ABCA12: variants seen among roughly 807,000 people sequenced by gnomAD.
The protein encoded by ABCA12 is ATP binding cassette subfamily A member 12.
ABCA12 carries 156 observed loss-of-function variants against 293.5 expected under a neutral mutation model. The observed-to-expected ratio is 0.53, with a 90% CI of 0.47 to 0.61. The LOEUF (loss-of-function observed/expected upper bound fraction) is 0.61, where lower values mean the gene tolerates loss of function less well. Among genes scored for constraint, ABCA12 ranks in the 20% least tolerant of loss-of-function variants. The probability of loss-of-function intolerance (pLI) is 0.00; values close to 1 mark genes in which losing one functional copy is unlikely to be tolerated. For synonymous variants in ABCA12, 1,063 were observed against 1,108.0 expected (o/e 0.96, Z 0.81); for missense variants, 2,797 against 3,090.2 (o/e 0.91, Z 2.25).
intron 2 of ABCA12, among the ~76,000 whole-genome samples, chr2:215,081,841 C>A (rs556912242): frequency 6.6e-6 from 1 of 152,008 alleles, no homozygotes; most frequent in Non-Finnish European, 1.5e-5. Flanking sequence ...TTTTATTTCC[C>A]TATAAAACAA....
chr2:215,086,740 C>T (rs935769153), intron 2 of ABCA12, among the ~76,000 whole-genome samples: 2 of 152,072 alleles, frequency 1.3e-5, no homozygotes, highest in Admixed American at 6.6e-5. Context: ...CAGGGACAAA[C>T]AGCTGGGTAT....
At chr2:215,090,039 T>G (rs1702110596) in intron 2 of ABCA12, among the ~76,000 whole-genome samples, 1 of 152,186 alleles carries the variant, frequency 6.6e-6, no homozygotes, top group Admixed American at 6.5e-5. Context: ...CTGCCTTAAC[T>G]GATGACATTA....
chr2:214,933,204 C>G (rs188569825), intron 52 of ABCA12, among the ~76,000 whole-genome samples: 322 of 152,276 alleles, frequency 2.1e-3, no homozygotes, highest in Non-Finnish European at 3.7e-3. Context: ...CATGTTAACA[C>G]TGTGTTCAGT....
intron 23 of ABCA12, among the ~76,000 whole-genome samples, chr2:214,997,455 C>G (rs184935181): frequency 3.7e-4 from 57 of 152,216 alleles, no homozygotes; most frequent in Non-Finnish European, 1.3e-4. Context: ...TATCATTGTA[C>G]TCATATTTTA....
intron 28 of ABCA12, 144 bp from the exon 29 acceptor site, chr2:214,984,009 T>A (rs1348432289): frequency 9.1e-6 from 6 of 656,390 alleles, no homozygotes; most frequent in Non-Finnish European, 1.6e-5. Flanking sequence ...TGGTATTTAA[T>A]GGGAATAAGA....
chr2:215,007,359 A>G (rs1700277258), intron 19 of ABCA12, among the ~76,000 whole-genome samples: 1 of 152,180 alleles, frequency 6.6e-6, no homozygotes, highest in Non-Finnish European at 1.5e-5. Flanking sequence ...GCCTATTGGT[A>G]TTTTAGGAAT....
chr2:215,000,425 C>T (rs1467444314), intron 22 of ABCA12, among the ~76,000 whole-genome samples: 1 of 152,092 alleles, frequency 6.6e-6, no homozygotes, highest in Non-Finnish European at 1.5e-5. Flanking sequence ...CAGCAATGTA[C>T]TCAGGTCTGA....
At position 215,036,964 on chromosome 2, in the gene ABCA12, G is replaced by A. The variant is rs138402017; in HGVS notation, c.974C>T (p.Ser325Phe). 3.7e-4 allele frequency: 602 copies of A among 1,613,640 alleles called. 12 individuals are homozygous for A. The East Asian group carries it at 9.1e-3, about 25-fold the overall frequency. ...SVKHLLYTLD[S>F]PAQGDSDNIT... ...TGGAAATATAATACCTTGAGCTGGG[G>A]AGTCCAGAGTGTACAGCAGATGTTT... is the stretch of plus-strand genomic sequence containing the variant. The change falls in exon 8 of 53, where the codon TCC becomes TTC. Residue 325 changes from serine to phenylalanine, a missense_variant. By Grantham distance (155) the Ser-to-Phe change is radical. This residue lies in a region of ABCA12 where 656 missense variants were observed against 638.2 expected (regional missense o/e 1.03). Coordinates refer to ENST00000272895, the MANE Select transcript of ABCA12 (RefSeq NM_173076.3).
At chr2:215,079,907 T>C (rs976370996) in intron 2 of ABCA12, among the ~76,000 whole-genome samples, 1 of 152,218 alleles carries the variant, frequency 6.6e-6, no homozygotes, top group Non-Finnish European at 1.5e-5. Context: ...ACAGGATTAA[T>C]ACCAAAATAC....
chr2:215,001,593 G>A lies in ABCA12; in HGVS notation c.2828C>T (p.Ala943Val), dbSNP rs761495344. 3.7e-6 allele frequency: 6 copies of A among 1,613,692 alleles called. No homozygotes were observed. The highest frequency in any genetic ancestry group is 5.1e-6 in the Non-Finnish European group (6 of 1,179,782). The change falls in exon 21 of 53, where the codon GCT becomes GTT. Residue 943 changes from alanine (A) to valine (V), a missense_variant. Physicochemically the swap from Ala to Val is moderately conservative, Grantham distance 64. Coordinates refer to ENST00000272895, the MANE Select transcript of ABCA12 (RefSeq NM_173076.3). ...AKTIDEMEREAKRLYKSNELF... is the reference protein window; with the variant it reads ...AKTIDEMEREVKRLYKSNELF... ...TTCGTTGCTTTTGTAGAGCCTTTTA[G>A]CCTCTCTCTCCATTTCATCTATGGT...
chr2:215,016,602 A>AG (rs1700510354), intron 14 of ABCA12, among the ~76,000 whole-genome samples: 8 of 145,418 alleles, frequency 5.5e-5, no homozygotes, highest in Admixed American at 4.8e-4. Context: ...AAAAAAAAAA[A>AG]AAAAAAAAAA....
intron 23 of ABCA12, among the ~76,000 whole-genome samples, chr2:214,992,457 A>AG: frequency 1.6e-5 from 1 of 61,154 alleles, no homozygotes; most frequent in East Asian, 4.9e-4. Context: ...AGAAAAAAAA[A>AG]AAATGAAAAA....
chr2:215,047,392 G>A (rs1292589457), intron 6 of ABCA12, among the ~76,000 whole-genome samples: 1 of 152,086 alleles, frequency 6.6e-6, no homozygotes, highest in African/African-American at 2.4e-5. Flanking sequence ...ATACTGCAGG[G>A]CTACAGTAAC....
intron 2 of ABCA12, among the ~76,000 whole-genome samples, chr2:215,080,173 A>C (rs35341569): frequency 0.31 from 47,403 of 152,022 alleles, 7,856 homozygotes; most frequent in Middle Eastern, 0.39. Flanking sequence ...TAGTTACTTA[A>C]AATTCCTTTA....
At position 215,028,138 on chromosome 2, in the gene ABCA12, T is replaced by C. The variant is rs141454858; in HGVS notation, c.1062-1200A>G. 1.9e-3 allele frequency among the ~76,000 whole-genome samples: 291 copies of C among 152,336 alleles called. 1 individual carries two copies. The highest frequency in any genetic ancestry group is 6.4e-3 in the African/African-American group (265 of 41,584). On this transcript the variant is annotated intron_variant, in intron 9 of 52. Transcript: ENST00000272895. ...ATCTGTTTTGAATCAAACTGTACAATACACAAATTAACTAGTCCTACTGGA... is the reference window on the plus strand; with the variant it reads ...ATCTGTTTTGAATCAAACTGTACAACACACAAATTAACTAGTCCTACTGGA...
intron 39 of ABCA12, among the ~76,000 whole-genome samples, chr2:214,961,480 A>G (rs573933734): frequency 6.6e-6 from 1 of 152,288 alleles, no homozygotes; most frequent in African/African-American, 2.4e-5. Context: ...AGCACTAATT[A>G]CAAAGGAAGC....
intron 2 of ABCA12, among the ~76,000 whole-genome samples, chr2:215,099,321 G>T (rs1359213415): frequency 6.6e-6 from 1 of 152,214 alleles, no homozygotes; most frequent in Non-Finnish European, 1.5e-5. Flanking sequence ...GTTGTTGGAT[G>T]ACTGACGTCC....
chr2:215,046,840 T>C (rs1701213103), intron 6 of ABCA12, among the ~76,000 whole-genome samples: 1 of 152,068 alleles, frequency 6.6e-6, no homozygotes, highest in Non-Finnish European at 1.5e-5. Flanking sequence ...CCATAAATGA[T>C]AGACTGGATA....
At chr2:215,089,767 A>G (rs367868246) in intron 2 of ABCA12, among the ~76,000 whole-genome samples, 2 of 152,374 alleles carry the variant, frequency 1.3e-5, no homozygotes, top group African/African-American at 4.8e-5. Flanking sequence ...GATAATTTAC[A>G]TTAGCAGAAC....
Sources: allele counts gnomAD v4.1 joint callset (sites outside exome capture counted in the v4.1 genomes callset), GRCh38; gene constraint gnomAD v4.1.1; regional missense constraint gnomAD v4.1.1; transcripts MANE v1.5; gene names NCBI Gene and HGNC (gene_info 2026-07-23, HGNC 2026-07-21).